The following TRMT44 variants were observed in gnomAD, a reference collection of about 807,000 sequenced individuals.
The protein encoded by TRMT44 is tRNA methyltransferase 44 homolog.
A neutral mutation model predicts 77.3 loss-of-function variants in TRMT44; 78 were observed. The ratio of observed to expected loss-of-function variants is 1.01; its 90% CI spans 0.84 to 1.22. The LOEUF is 1.22. Among genes scored for constraint, TRMT44 ranks in the 50% most tolerant of loss-of-function variants. TRMT44 has a pLI of 0.00. For synonymous variants in TRMT44, 391 were observed against 383.3 expected (o/e 1.02, Z -0.23); for missense variants, 1,090 against 964.4 (o/e 1.13, Z -1.73).
intron 2 of TRMT44, among the ~76,000 whole-genome samples, chr4:8,485,352 A>G (rs1727771552): frequency 6.6e-6 from 1 of 152,214 alleles, no homozygotes; most frequent in Non-Finnish European, 1.5e-5. Flanking sequence ...AGGCAAAACA[A>G]TTTGGTTGAT....
the TRMT44 span, among the ~76,000 whole-genome samples, chr4:8,516,624 A>G: frequency 6.6e-6 from 1 of 152,014 alleles, no homozygotes; most frequent in African/African-American, 2.4e-5. Flanking sequence ...TACCAAGAAT[A>G]AAAAAAATTA....
In TRMT44 at chr4:8,456,000, C is replaced by A. The variant is rs190424922; in HGVS notation, c.1203+1187C>A. 2.0e-5 allele frequency among the ~76,000 whole-genome samples: 3 copies of A among 152,192 alleles called. No homozygotes were observed. In the East Asian group the frequency reaches 5.8e-4, roughly 29 times the overall value. On this transcript the variant is annotated intron_variant, in intron 6 of 10. Coordinates refer to ENST00000389737, the MANE Select transcript of TRMT44 (RefSeq NM_152544.3). ...ATACGTACATACTAGTCTATTTTAC[C>A]ATTTACAACCATGAAATACATACAA...
At chr4:8,447,657 G>T (rs1725145177) in intron 2 of TRMT44, among the ~76,000 whole-genome samples, 1 of 152,186 alleles carries the variant, frequency 6.6e-6, no homozygotes, top group East Asian at 1.9e-4. Flanking sequence ...TGGATCTGTT[G>T]CAGCCTTCGT....
the TRMT44 span, among the ~76,000 whole-genome samples, chr4:8,511,537 A>C: frequency 6.6e-6 from 1 of 152,288 alleles, no homozygotes; most frequent in East Asian, 1.9e-4. Context: ...ACAATCCCAA[A>C]AGCCACTATC....
At chr4:8,455,979 G>A (rs73213408) in intron 6 of TRMT44, among the ~76,000 whole-genome samples, 4,006 of 152,054 alleles carry the variant, frequency 0.026, 98 homozygotes, top group African/African-American at 0.066. Flanking sequence ...TTAAATATAC[G>A]TACATACTAG....
At chr4:8,468,519 A>G (rs1266917135) in intron 9 of TRMT44, 173 bp downstream of exon 9, 2 of 644,994 alleles carry the variant, frequency 3.1e-6, no homozygotes, top group Non-Finnish European at 5.3e-6. Flanking sequence ...AAATTTTCCA[A>G]ATAGCTCTTA....
In TRMT44 at chr4:8,452,049, A is replaced by G; in HGVS notation, c.1023+21A>G. The G allele has an allele frequency of 5.9e-6, 9 of 1,535,020 alleles. No homozygotes were observed. The highest frequency in any genetic ancestry group is 7.9e-6 in the Non-Finnish European group (9 of 1,145,582). Reference sequence around the variant, plus strand: ...TGCTGGTAAGGGTGTAAGCGACCTCAGCTTCTCTGGAGTGGGTGGAGTTTG... The same window carrying G: ...TGCTGGTAAGGGTGTAAGCGACCTCGGCTTCTCTGGAGTGGGTGGAGTTTG... On this transcript the variant is annotated intron_variant, in intron 4 of 10. Coordinates refer to ENST00000389737, the MANE Select transcript of TRMT44 (RefSeq NM_152544.3). This position sits in a 1 kb window ranked among gnomAD's most constrained non-coding sequence, Gnocchi z 5.7.
intron 2 of TRMT44, among the ~76,000 whole-genome samples, chr4:8,486,417 G>A (rs1388293746): frequency 1.3e-5 from 2 of 152,214 alleles, no homozygotes; most frequent in Admixed American, 6.5e-5. Context: ...CCTTGAAGGC[G>A]AGGTTAATTA....
intron 2 of TRMT44, among the ~76,000 whole-genome samples, chr4:8,485,113 G>T (rs894433228): frequency 2.0e-5 from 3 of 152,206 alleles, no homozygotes; most frequent in African/African-American, 7.2e-5. Context: ...GAAAGAGCTT[G>T]GCTGAAGTAA....
At chr4:8,469,748 C>T (rs1020367953) in intron 9 of TRMT44, among the ~76,000 whole-genome samples, 4 of 152,200 alleles carry the variant, frequency 2.6e-5, no homozygotes, top group African/African-American at 4.8e-5. Context: ...TAGGGACTCT[C>T]CACGTGGCCT....
chr4:8,481,637 T>C (rs891216885), intron 2 of TRMT44, among the ~76,000 whole-genome samples: 2 of 152,166 alleles, frequency 1.3e-5, no homozygotes, highest in Non-Finnish European at 2.9e-5. Context: ...ATATTCTTTA[T>C]ATTATATCAG....
At chr4:8,442,167 A>G (rs1391567187) in intron 1 of TRMT44, among the ~76,000 whole-genome samples, 1 of 152,238 alleles carries the variant, frequency 6.6e-6, no homozygotes, top group Non-Finnish European at 1.5e-5. Context: ...GCATGGGAAC[A>G]TCATGACAAT....
At chr4:8,508,228 G>T in the TRMT44 span, among the ~76,000 whole-genome samples, 1 of 152,220 alleles carries the variant, frequency 6.6e-6, no homozygotes, top group Non-Finnish European at 1.5e-5. Flanking sequence ...AAGTTTTACA[G>T]CTCAGGTTTC....
chr4:8,510,934 T>A, the TRMT44 span: 1 of 152,486 alleles, frequency 6.6e-6, no homozygotes, highest in Non-Finnish European at 1.5e-5. Flanking sequence ...CCAATGAGGA[T>A]GGAGAGAAAC....
intron 1 of TRMT44, among the ~76,000 whole-genome samples, chr4:8,443,434 C>T (rs528650155): frequency 6.6e-6 from 1 of 152,336 alleles, no homozygotes; most frequent in South Asian, 2.1e-4. Flanking sequence ...CTTGTATCCT[C>T]CATGGAATAT....
Position 8,440,838 on chromosome 4 carries a change from C to G in TRMT44, c.16C>G (p.Arg6Gly). ...GCTGGCTGCCATGGCTGAGGTGGGCCGTACCGGGATCAGCTACCCAGGCGC... is the reference window on the plus strand; with the variant it reads ...GCTGGCTGCCATGGCTGAGGTGGGCGGTACCGGGATCAGCTACCCAGGCGC... MAEVG[R>G]TGISYPGALL... The change falls in exon 1 of 11, where the codon CGT becomes GGT. Residue 6 changes from arginine (R) to glycine (G), a missense_variant. Coordinates refer to ENST00000389737, the MANE Select transcript of TRMT44 (RefSeq NM_152544.3). 2 of 1,500,222 alleles carry G rather than the reference C, an allele frequency of 1.3e-6. No homozygotes were observed. The highest frequency in any genetic ancestry group is 2.4e-4 in the Middle Eastern group (1 of 4,222). The allele number at this position is 1,500,222 out of a possible 1,614,324, so 92.9% of individuals were successfully genotyped here.
chr4:8,453,084 C>T, intron 5 of TRMT44, 95 bp downstream of exon 5: 4 of 696,158 alleles, frequency 5.7e-6, no homozygotes, highest in Non-Finnish European at 9.0e-6. Flanking sequence ...GCTGATACAG[C>T]CTGGATTTGG....
At chr4:8,491,683 A>C (rs1728011364) in intron 2 of TRMT44, among the ~76,000 whole-genome samples, 2 of 152,344 alleles carry the variant, frequency 1.3e-5, no homozygotes, top group African/African-American at 4.8e-5. Flanking sequence ...TGGGGCCAGC[A>C]GGGCTGGCCG....
chr4:8,493,266 A>G (rs1014110099), exon 3 of TRMT44: 5 of 152,066 alleles, frequency 3.3e-5, no homozygotes, highest in Admixed American at 3.3e-4. Context: ...TCTTTTACAG[A>G]CCCTGTATTC....
Sources: gnomAD v4.1 joint callset for allele counts (sites outside exome capture counted in the v4.1 genomes callset) on GRCh38, gnomAD v4.1.1 for gene constraint, Gnocchi (gnomAD v3.1) non-coding constraint, MANE v1.5 for transcripts, NCBI Gene and HGNC (gene_info 2026-07-23, HGNC 2026-07-21) for gene names.